Variants in STK4 observed in about 807,000 individuals in gnomAD.
STK4 encodes the protein serine/threonine kinase 4.
A neutral mutation model predicts 64.9 loss-of-function variants in STK4; 30 were observed. That is an observed-to-expected ratio of 0.46 (90% CI 0.35 to 0.63). The LOEUF is 0.63. Among genes scored for constraint, STK4 ranks in the 20% least tolerant of loss-of-function variants. The pLI is 0.01. For missense variants in STK4, 466 were observed against 598.5 expected, an observed-to-expected ratio of 0.78 and a Z score of 2.31; for synonymous variants, 177 against 199.0, an observed-to-expected ratio of 0.89 and a Z score of 0.93.
chr20:45,073,226 A>G (rs1980228876), intron 10 of STK4, among the ~76,000 whole-genome samples: 1 of 152,150 alleles, frequency 6.6e-6, no homozygotes, highest in African/African-American at 2.4e-5. Flanking sequence ...ACCAACCTCT[A>G]AGGTAGTATA....
chr20:44,977,387 T>G (rs182068889), intron 2 of STK4, among the ~76,000 whole-genome samples: 104 of 152,330 alleles, frequency 6.8e-4, no homozygotes, highest in Admixed American at 1.8e-3. Flanking sequence ...ATTTTGATTT[T>G]TTTTTTCACC....
intron 9 of STK4, among the ~76,000 whole-genome samples, chr20:45,024,305 T>C (rs2068304989): frequency 7.2e-6 from 1 of 137,968 alleles, no homozygotes; most frequent in African/African-American, 3.0e-5. Context: ...TTTCCCCTAG[T>C]TTTTTTTTTT....
chr20:45,040,104 A>T (rs2068589083), intron 10 of STK4, among the ~76,000 whole-genome samples: 1 of 149,752 alleles, frequency 6.7e-6, no homozygotes, highest in Non-Finnish European at 1.5e-5. Flanking sequence ...TTCCATCAGA[A>T]GGTTCATAAT....
intron 1 of STK4, among the ~76,000 whole-genome samples, chr20:44,967,558 A>G (rs1015922520): frequency 6.6e-6 from 1 of 152,216 alleles, no homozygotes; most frequent in Non-Finnish European, 1.5e-5. Flanking sequence ...AGTAGGGACT[A>G]GAGACCGAAG....
At chr20:45,007,030 G>A (rs142645363) in intron 9 of STK4, among the ~76,000 whole-genome samples, 292 of 152,032 alleles carry the variant, frequency 1.9e-3, no homozygotes, top group African/African-American at 6.5e-3. Flanking sequence ...GGTTCTGAGC[G>A]CTATGGGTTG....
intron 5 of STK4, among the ~76,000 whole-genome samples, chr20:44,988,158 C>T (rs185939098): frequency 6.6e-6 from 1 of 151,930 alleles, no homozygotes; most frequent in East Asian, 1.9e-4. Flanking sequence ...ACAATATTAC[C>T]TAAACCACAG....
chr20:45,033,031 A>G (rs1434518800), intron 10 of STK4, among the ~76,000 whole-genome samples: 1 of 152,020 alleles, frequency 6.6e-6, no homozygotes, highest in Non-Finnish European at 1.5e-5. Flanking sequence ...AGTGATGTTG[A>G]GTATTTTTTT....
At chr20:45,050,768 A>G (rs1024054499) in intron 10 of STK4, among the ~76,000 whole-genome samples, 4 of 152,070 alleles carry the variant, frequency 2.6e-5, no homozygotes, top group African/African-American at 9.7e-5. Flanking sequence ...ATTTTGATTT[A>G]TTAGCTTTTT....
At chr20:44,987,025 G>A (rs775806329) in intron 4 of STK4, 107 bp from the exon 5 acceptor site, 22 of 903,726 alleles carry the variant, frequency 2.4e-5, no homozygotes, top group Non-Finnish European at 3.1e-5. Context: ...TTCACAGGTT[G>A]AATAAGATCT....
chr20:44,966,661 C>G (rs1423569752), intron 1 of STK4, 58 bp downstream of exon 1: 8 of 1,259,642 alleles, frequency 6.4e-6, no homozygotes, highest in Non-Finnish European at 7.1e-6. Context: ...AAGGCGGGAA[C>G]TGGTTGAGGG....
chr20:45,035,665 T>A, intron 10 of STK4, among the ~76,000 whole-genome samples: 1 of 152,200 alleles, frequency 6.6e-6, no homozygotes, highest in East Asian at 1.9e-4. Context: ...AGCCTTCACT[T>A]TATCTTACCC....
At chr20:45,011,741 T>G (rs1437288557) in intron 9 of STK4, among the ~76,000 whole-genome samples, 1 of 71,262 alleles carries the variant, frequency 1.4e-5, no homozygotes, top group East Asian at 2.5e-4. Context: ...TTTTTTTTTT[T>G]TTTTTAAGTC....
At chr20:45,047,975 A>T (rs942799721) in intron 10 of STK4, among the ~76,000 whole-genome samples, 16 of 152,200 alleles carry the variant, frequency 1.1e-4, no homozygotes, top group Non-Finnish European at 2.1e-4. Flanking sequence ...TTGCCAATTT[A>T]AAAAATGCAG....
chr20:45,039,019 G>A (rs1048473082), intron 10 of STK4, among the ~76,000 whole-genome samples: 40 of 152,158 alleles, frequency 2.6e-4, no homozygotes, highest in East Asian at 9.6e-4. Context: ...AAAAAGAGGT[G>A]TAGTTGAAAA....
chr20:45,009,119 G>A (rs2068001068), intron 9 of STK4, among the ~76,000 whole-genome samples: 1 of 152,178 alleles, frequency 6.6e-6, no homozygotes, highest in South Asian at 2.1e-4. Context: ...CAAGGCCAAT[G>A]TTGTGAAGGG....
At position 45,052,408 on chromosome 20, in the gene STK4, A is replaced by C. The variant is rs373811590; in HGVS notation, c.1306-22610A>C. ...GATTTTTTTTCACTTAACATATCTTAAACATTTTCTCATATCATTAAAAAC... is the reference window on the plus strand; with the variant it reads ...GATTTTTTTTCACTTAACATATCTTCAACATTTTCTCATATCATTAAAAAC... On this transcript the variant is annotated intron_variant, in intron 10 of 10. Coordinates refer to ENST00000372806, the MANE Select transcript of STK4 (RefSeq NM_006282.5). Among the ~76,000 whole-genome samples, 8 of 152,276 alleles carry C rather than the reference A, an allele frequency of 5.3e-5. 1 individual carries two copies. Among genetic ancestry groups the C allele is most frequent in the East Asian group, 1.9e-4 (1 of 5,188 alleles).
chr20:45,050,045 C>T (rs529975299), intron 10 of STK4, among the ~76,000 whole-genome samples: 1 of 152,282 alleles, frequency 6.6e-6, no homozygotes, highest in Non-Finnish European at 1.5e-5. Flanking sequence ...CATCAATGAG[C>T]TCCTTTGTAT....
intron 10 of STK4, among the ~76,000 whole-genome samples, chr20:45,035,619 CTA>C (rs2068515734): frequency 6.6e-6 from 1 of 152,156 alleles, no homozygotes; most frequent in Non-Finnish European, 1.5e-5. Flanking sequence ...TCTGTGTGTA[CTA>C]TGTGTGAATA....
At position 45,075,375 on chromosome 20, in the gene STK4, G is replaced by T. The variant is rs977079303; in HGVS notation, c.*199G>T. On this transcript the variant is annotated 3_prime_UTR_variant, in exon 11 of 11. Transcript: ENST00000372806. ...TGATGTGTGTATGTACATTGGTCAGGTATATTATCTCAAAGGATTTATATT... is the reference window on the plus strand; with the variant it reads ...TGATGTGTGTATGTACATTGGTCAGTTATATTATCTCAAAGGATTTATATT... The T allele has an allele frequency of 3.6e-5, 21 of 585,240 alleles. No homozygotes were observed. The East Asian group carries it at 6.2e-4, about 17-fold the overall frequency. 36.3% of individuals were successfully genotyped at this position (585,240 alleles called of 1,614,324 possible). A position where few individuals can be genotyped will look rare whatever the true frequency, so the allele number is the denominator to read the frequency against.
Sources: gnomAD v4.1 joint callset for allele counts (sites outside exome capture counted in the v4.1 genomes callset) on GRCh38, gnomAD v4.1.1 for gene constraint, MANE v1.5 for transcripts, NCBI Gene and HGNC (gene_info 2026-07-23, HGNC 2026-07-21) for gene names.